TNFRSF4: variants seen among roughly 807,000 people sequenced by gnomAD.
The protein encoded by TNFRSF4 is TNF receptor superfamily member 4, also known as tumor necrosis factor receptor superfamily member 4.
A neutral mutation model predicts 29.5 loss-of-function variants in TNFRSF4; 21 were observed. The observed-to-expected ratio is 0.71, with a 90% CI of 0.51 to 1.03. The LOEUF is 1.03. Among genes scored for constraint, TNFRSF4 ranks in the 50% least tolerant of loss-of-function variants. TNFRSF4 has a pLI of 0.00. For synonymous variants in TNFRSF4, 197 were observed against 172.7 expected (o/e 1.14, Z -1.10); for missense variants, 408 against 387.8 (o/e 1.05, Z -0.44).
chr1:1,213,882 A>AAC, intron 1 of TNFRSF4, 97 bp from the exon 2 acceptor site: 2 of 1,265,974 alleles, frequency 1.6e-6, no homozygotes, highest in South Asian at 1.5e-5. Flanking sequence ...CCGGCCCCTC[A>AAC]CCCGCCCCCT....
intron 5 of TNFRSF4, 29 bp downstream of exon 5, chr1:1,211,912 GC>G: frequency 6.6e-7 from 1 of 1,510,444 alleles, no homozygotes; most frequent in South Asian, 1.3e-5. Context: ...CGGGTTGGGG[GC>G]CCCGCTGGGC....
At chr1:1,213,477 A>G in intron 2 of TNFRSF4, 186 bp downstream of exon 2, 1 of 1,478,578 alleles carries the variant, frequency 6.8e-7, no homozygotes. Context: ...GGGCCCCCGG[A>G]GGGAGAGGGG....
At chr1:1,213,217 G>A (rs1242708373) in intron 2 of TNFRSF4, 124 bp from the exon 3 acceptor site, 11 of 1,535,080 alleles carry the variant, frequency 7.2e-6, no homozygotes, top group African/African-American at 1.4e-5. Flanking sequence ...AGGGGTCTGC[G>A]GCCTCCCCTG....
rs770809040 is a variant in TNFRSF4 at position 1,211,970 on chromosome 1, G to C, written c.606C>G (p.Pro202=). The C allele has an allele frequency of 6.3e-7, 1 of 1,591,256 alleles. No homozygotes were observed. ...CGGGGACCTCCACGGGCCGGGTGGA[G>C]GGTCCCTGTGAGGTTCTGGGCCAGG... ...TEAWPRTSQG[P]STRPVEVPGG... is the part of the protein sequence containing the mutation. The change falls in exon 5 of 7, where the codon CCC becomes CCG. Residue 202 remains proline, a synonymous_variant. Coordinates refer to ENST00000379236, the MANE Select transcript of TNFRSF4 (RefSeq NM_003327.4).
chr1:1,213,624 C>T, intron 2 of TNFRSF4, 39 bp downstream of exon 2: 1 of 1,544,116 alleles, frequency 6.5e-7, no homozygotes, highest in Non-Finnish European at 8.7e-7. Flanking sequence ...CTGCCGCCCC[C>T]TGTGCTGGGT....
Position 1,211,392 on chromosome 1 carries a change from G to T in TNFRSF4, c.*163C>A. On this transcript the variant is annotated 3_prime_UTR_variant, in exon 7 of 7. Transcript: ENST00000379236. The stretch of plus-strand genomic sequence containing the variant: ...TCCCGCGGGGCAGGAGGTATGCATG[G>T]CATACGTAAGCAGAGAGCCGGAGGC... 2 of 598,936 alleles carry T rather than the reference G, an allele frequency of 3.3e-6. No homozygotes were observed. Among genetic ancestry groups the T allele is most frequent in the South Asian group, 3.4e-5 (1 of 29,058 alleles). The allele number at this position is 598,936 out of a possible 1,614,324, so 37.1% of individuals were successfully genotyped here. A position where few individuals can be genotyped will look rare whatever the true frequency, so the allele number is the denominator to read the frequency against.
In TNFRSF4 at chr1:1,213,653, G is replaced by T; in HGVS notation, c.268+10C>A. On this transcript the variant is annotated intron_variant, in intron 2 of 6. Coordinates refer to ENST00000379236, the MANE Select transcript of TNFRSF4 (RefSeq NM_003327.4). Reference sequence around the variant, plus strand: ...GCTGGGTGGGGCTGTGGGGCCAGGTGGGAGCTCACTGAGGTTACACCACGT... The same window carrying T: ...GCTGGGTGGGGCTGTGGGGCCAGGTTGGAGCTCACTGAGGTTACACCACGT... The T allele has an allele frequency of 1.9e-6, 3 of 1,582,462 alleles. No individual in the cohort carries two copies. The highest frequency in any genetic ancestry group is 2.3e-5 in the East Asian group (1 of 43,386).
intron 3 of TNFRSF4, 32 bp from the exon 4 acceptor site, chr1:1,212,736 C>T (rs1218075519): frequency 1.3e-6 from 2 of 1,512,418 alleles, no homozygotes; most frequent in Admixed American, 2.1e-5. Context: ...CAGGGGCTGC[C>T]CACAGGCCCC....
chr1:1,213,484 G>A (rs771807027), intron 2 of TNFRSF4, 179 bp downstream of exon 2: 50 of 1,473,534 alleles, frequency 3.4e-5, no homozygotes, highest in Non-Finnish European at 3.5e-5. Flanking sequence ...CGGAGGGAGA[G>A]GGGGTGCCCC....
chr1:1,211,618 G>A lies in TNFRSF4; in HGVS notation c.771C>T (p.Gly257=). 6.5e-7 allele frequency: 1 copy of A among 1,539,204 alleles called. No individual in the cohort carries two copies. Among genetic ancestry groups the A allele is most frequent in the African/African-American group, 1.4e-5 (1 of 71,420 alleles). Residue 257 remains glycine (G), a synonymous_variant, in exon 7 of 7, where the codon GGC becomes GGT. Coordinates refer to ENST00000379236, the MANE Select transcript of TNFRSF4 (RefSeq NM_003327.4). The part of the protein sequence containing the change: ...PPDAHKPPGG[G]SFRTPIQEEQ... ...CCTCTTGGATGGGGGTCCGGAAACT[G>A]CCTCCCCCTGGGGAGGAAAAAAGGA...
intron 2 of TNFRSF4, chr1:1,213,447 A>G (rs1649290988): frequency 2.0e-6 from 3 of 1,521,938 alleles, no homozygotes; most frequent in South Asian, 2.5e-5. Context: ...CCCCGACTCC[A>G]CGTGGCCTGG....
chr1:1,213,609 C>T lies in TNFRSF4; in HGVS notation c.268+54G>A, dbSNP rs1043663595. The T allele has an allele frequency of 2.2e-5, 34 of 1,520,956 alleles. No homozygotes were observed. In the African/African-American group the frequency reaches 3.5e-4, roughly 15 times the overall value. The allele number at this position is 1,520,956 out of a possible 1,614,324, so 94.2% of individuals were successfully genotyped here. A position where few individuals can be genotyped will look rare whatever the true frequency, so the allele number is the denominator to read the frequency against. On this transcript the variant is annotated intron_variant, in intron 2 of 6. Transcript: ENST00000379236. ...ATGCTGCTGCGTGGGAATGTGGGTG[C>T]CAGGCTGCCGCCCCCTGTGCTGGGT...
Position 1,211,393 on chromosome 1 carries a change from C to T in TNFRSF4, c.*162G>A. 1.7e-6 allele frequency: 1 copy of T among 604,730 alleles called. No homozygotes were observed. Among genetic ancestry groups the T allele is most frequent in the Non-Finnish European group, 2.6e-6 (1 of 381,544 alleles). 37.5% of individuals were successfully genotyped at this position (604,730 alleles called of 1,614,324 possible). On this transcript the variant is annotated 3_prime_UTR_variant, in exon 7 of 7. Transcript: ENST00000379236. ...CCCGCGGGGCAGGAGGTATGCATGG[C>T]ATACGTAAGCAGAGAGCCGGAGGCA... is the stretch of plus-strand genomic sequence containing the variant.
Position 1,211,436 on chromosome 1 carries a change from C to T in TNFRSF4, c.*119G>A, listed in dbSNP as rs1387802998. 39 of 1,013,028 alleles carry T rather than the reference C, an allele frequency of 3.8e-5. No individual in the cohort carries two copies. The Admixed American group carries it at 4.2e-4, about 11-fold the overall frequency. 62.8% of individuals were successfully genotyped at this position (1,013,028 alleles called of 1,614,324 possible). A position where few individuals can be genotyped will look rare whatever the true frequency, so the allele number is the denominator to read the frequency against. ...CGGAGGCAGCCATCGGCACCTAGAACGGTGCAGAGTTGGCCCAGGAGCGTG... is the reference window on the plus strand; with the variant it reads ...CGGAGGCAGCCATCGGCACCTAGAATGGTGCAGAGTTGGCCCAGGAGCGTG... On this transcript the variant is annotated 3_prime_UTR_variant, in exon 7 of 7. Transcript: ENST00000379236.
rs752478069 is a variant in TNFRSF4, at chr1:1,213,026, G to A, written c.336C>T (p.Gly112=). The A allele has an allele frequency of 6.2e-7, 1 of 1,611,636 alleles. No homozygotes were observed. The highest frequency in any genetic ancestry group is 8.5e-7 in the Non-Finnish European group (1 of 1,179,534). ...GCTTGTAGCTGTCCAGGGGCTGGGTGCCCGCCCGGCAGCGGCAGACTGTGT... is the reference window on the plus strand; with the variant it reads ...GCTTGTAGCTGTCCAGGGGCTGGGTACCCGCCCGGCAGCGGCAGACTGTGT... The part of the protein sequence containing the change: ...TQDTVCRCRA[G]TQPLDSYKPG... The change falls in exon 3 of 7, where the codon GGC becomes GGT. Residue 112 remains glycine, a synonymous_variant. Coordinates refer to ENST00000379236, the MANE Select transcript of TNFRSF4 (RefSeq NM_003327.4).
At chr1:1,213,360 G>T in intron 2 of TNFRSF4, 1 of 1,530,782 alleles carries the variant, frequency 6.5e-7, no homozygotes, top group Non-Finnish European at 8.7e-7. Flanking sequence ...CCCCGCCTGC[G>T]GCAGGGTCTC....
intron 1 of TNFRSF4, 64 bp from the exon 2 acceptor site, chr1:1,213,849 G>A: frequency 6.6e-7 from 1 of 1,513,048 alleles, no homozygotes; most frequent in East Asian, 2.4e-5. Context: ...GACCCCCCCA[G>A]GCGGCTCCTC....
Position 1,214,059 on chromosome 1 carries a change from C to T in TNFRSF4, c.69G>A (p.Leu23=). The change falls in exon 1 of 7, where the codon CTG becomes CTA. Residue 23 remains leucine, a synonymous_variant. Coordinates refer to ENST00000379236, the MANE Select transcript of TNFRSF4 (RefSeq NM_003327.4). The surrounding 1 kb of genome is among the most constrained non-coding windows in gnomAD (Gnocchi z 4.2). ...CACAGTGGAGCCCCGTCACGGTGCTCAGCCCCAGGCCCAGGAGGAGCAGAG... is the reference window on the plus strand; with the variant it reads ...CACAGTGGAGCCCCGTCACGGTGCTTAGCCCCAGGCCCAGGAGGAGCAGAG... ...CAALLLLGLG[L]STVTGLHCVG... is the part of the protein sequence containing the mutation. 14 of 1,598,296 alleles carry T rather than the reference C, an allele frequency of 8.8e-6. No homozygotes were observed. Among genetic ancestry groups the T allele is most frequent in the Non-Finnish European group, 1.2e-5 (14 of 1,175,444 alleles).
Position 1,214,106 on chromosome 1 carries a change from G to A in TNFRSF4, c.22C>T (p.Leu8=), listed in dbSNP as rs2100956977. 3.8e-6 allele frequency: 6 copies of A among 1,583,534 alleles called. No individual in the cohort carries two copies. The highest frequency in any genetic ancestry group is 5.1e-6 in the Non-Finnish European group (6 of 1,170,746). Reference sequence around the variant, plus strand: ...AGAGCCGCACACGGCCCGCGGCCCAGCCGCCGAGCCCCCACGCACATCCTC... The same window carrying A: ...AGAGCCGCACACGGCCCGCGGCCCAACCGCCGAGCCCCCACGCACATCCTC... The part of the protein sequence containing the change: MCVGARR[L]GRGPCAALLL... Residue 8 remains leucine (L), a synonymous_variant, in exon 1 of 7, where the codon CTG becomes TTG. Coordinates refer to ENST00000379236, the MANE Select transcript of TNFRSF4 (RefSeq NM_003327.4). This position sits in a 1 kb window ranked among gnomAD's most constrained non-coding sequence, Gnocchi z 4.2.
Sources: gnomAD v4.1 joint callset for allele counts on GRCh38, gnomAD v4.1.1 for gene constraint, Gnocchi (gnomAD v3.1) non-coding constraint, MANE v1.5 for transcripts, NCBI Gene and HGNC (gene_info 2026-07-23, HGNC 2026-07-21) for gene names.